The following ZNF592 variants were observed in gnomAD, a reference collection of about 807,000 sequenced individuals.
ZNF592 encodes the protein spinocerebellar ataxia, autosomal recessive 5.
In ZNF592, 11 loss-of-function variants were observed where a neutral mutation model predicts 80.3. That is an observed-to-expected ratio of 0.14 (90% CI 0.09 to 0.23). The LOEUF (loss-of-function observed/expected upper bound fraction) is 0.23, where lower values mean the gene tolerates loss of function less well. ZNF592 is among the 10% of genes least tolerant of loss of function. ZNF592 has a pLI of 1.00. For synonymous variants in ZNF592, 646 were observed against 640.3 expected (o/e 1.01, Z -0.13); for missense variants, 1,420 against 1,633.9 (o/e 0.87, Z 2.26).
intron 2 of ZNF592, 54 bp downstream of exon 2, chr15:84,764,869 T>C (rs1360762985): frequency 2.5e-6 from 1 of 393,932 alleles, no homozygotes; most frequent in African/African-American, 2.1e-5. Flanking sequence ...AGTTTGAACA[T>C]GAGATTTTTT....
intron 1 of ZNF592, among the ~76,000 whole-genome samples, chr15:84,754,803 T>C (rs1036996395): frequency 1.3e-4 from 20 of 151,958 alleles, no homozygotes; most frequent in Non-Finnish European, 2.5e-4. Flanking sequence ...GTGTGATAGA[T>C]TGTAGAACGA....
At chr15:84,751,206 GAC>G (rs1013969833) in intron 1 of ZNF592, among the ~76,000 whole-genome samples, 1 of 152,244 alleles carries the variant, frequency 6.6e-6, no homozygotes, top group African/African-American at 2.4e-5. Flanking sequence ...CAATTTTAAA[GAC>G]TTCTGCATAC....
intron 4 of ZNF592, among the ~76,000 whole-genome samples, chr15:84,786,374 G>A (rs1177312427): frequency 6.6e-6 from 1 of 152,206 alleles, no homozygotes; most frequent in South Asian, 2.1e-4. Context: ...TGAAATTTAA[G>A]TTGGGCTTGC....
At chr15:84,764,908 TTG>T (rs1491480873) in intron 2 of ZNF592, 93 bp downstream of exon 2, 375 of 319,006 alleles carry the variant, frequency 1.2e-3, no homozygotes, top group African/African-American at 5.4e-3. Flanking sequence ...TTGTTTTGTT[TTG>T]TTTTTTTTTG....
rs750056642 is a variant in ZNF592, at chr15:84,798,879, A to T, written c.3024+4A>T. ...CATGAAAAAGAGCCACGGTCGGGTA[A>T]GTGCAGCCACACAGTCATAATGCAG... is the stretch of plus-strand genomic sequence containing the variant. On this transcript the variant is annotated splice_donor_region_variant and intron_variant, in intron 8 of 10. Coordinates refer to ENST00000560079, the MANE Select transcript of ZNF592 (RefSeq NM_014630.3). This position sits in a 1 kb window ranked among gnomAD's most constrained non-coding sequence, Gnocchi z 4.5. The T allele has an allele frequency of 6.3e-7, 1 of 1,598,076 alleles. No homozygotes were observed. Among genetic ancestry groups the T allele is most frequent in the South Asian group, 1.1e-5 (1 of 90,906 alleles).
intron 2 of ZNF592, among the ~76,000 whole-genome samples, chr15:84,769,436 C>T (rs1185026386): frequency 6.6e-6 from 1 of 151,580 alleles, no homozygotes; most frequent in Non-Finnish European, 1.5e-5. Context: ...TCATGGAAGG[C>T]TCCTGACAAA....
Position 84,790,782 on chromosome 15 carries a change from C to G in ZNF592, c.2298C>G (p.Ser766=). The change falls in exon 5 of 11, where the codon TCC becomes TCG. Residue 766 remains serine, a synonymous_variant. Transcript: ENST00000560079. ...CAHQRIHAHK[S]PYCCPECGVL... ...ACCAGCGGATTCATGCACACAAGTCCCCCTACTGCTGCCCGGAGTGTGGGG... is the reference window on the plus strand; with the variant it reads ...ACCAGCGGATTCATGCACACAAGTCGCCCTACTGCTGCCCGGAGTGTGGGG... 1.2e-6 allele frequency: 2 copies of G among 1,614,182 alleles called. No homozygotes were observed. The highest frequency in any genetic ancestry group is 2.2e-5 in the South Asian group (2 of 91,084).
chr15:84,777,265 T>G lies in ZNF592; in HGVS notation c.-149-918T>G, dbSNP rs575793804. 1.9e-3 allele frequency among the ~76,000 whole-genome samples: 287 copies of G among 151,818 alleles called. 1 individual carries two copies. The highest frequency in any genetic ancestry group is 3.4e-3 in the Middle Eastern group (1 of 294). Reference sequence around the variant, plus strand: ...GCTGAGGTGGGTGGATCAGTTGAGGTCAGGAGTTTGAGACCTGCCTGGCCA... The same window carrying G: ...GCTGAGGTGGGTGGATCAGTTGAGGGCAGGAGTTTGAGACCTGCCTGGCCA... On this transcript the variant is annotated intron_variant, in intron 2 of 10. Transcript: ENST00000560079.
intron 2 of ZNF592, among the ~76,000 whole-genome samples, chr15:84,769,097 T>G: frequency 6.6e-6 from 1 of 152,076 alleles, no homozygotes; most frequent in East Asian, 1.9e-4. Context: ...TCCACCACCA[T>G]GCCTGGCTAA....
chr15:84,775,316 G>A (rs961586020), intron 2 of ZNF592, among the ~76,000 whole-genome samples: 3 of 152,130 alleles, frequency 2.0e-5, no homozygotes, highest in South Asian at 2.1e-4. Context: ...GGCTAGTGTC[G>A]AACTCCTGAC....
In ZNF592 at chr15:84,798,039, C is replaced by A; in HGVS notation, c.2570C>A (p.Pro857His). The change falls in exon 6 of 11, where the codon CCC (proline) becomes CAC (histidine). Residue 857 changes from proline (P) to histidine (H), a missense_variant. By Grantham distance (77) the Pro-to-His change is moderately conservative. Around this residue, in one of 7 missense-constraint regions of ZNF592, gnomAD observed 331 missense variants for 347.0 expected, o/e 0.95. Coordinates refer to ENST00000560079, the MANE Select transcript of ZNF592 (RefSeq NM_014630.3). This position sits in a 1 kb window ranked among gnomAD's most constrained non-coding sequence, Gnocchi z 4.5. ...ATQHPTQPHR[P>H]SQLIYKCSCE... ...CAGCACCCCACCCAGCCCCACAGAC[C>A]CTCCCAGTGAGTGCAGCTCCAGGGC... 1 of 1,613,876 alleles carries A rather than the reference C, an allele frequency of 6.2e-7. No homozygotes were observed. Among genetic ancestry groups the A allele is most frequent in the Non-Finnish European group, 8.5e-7 (1 of 1,180,022 alleles).
intron 4 of ZNF592, among the ~76,000 whole-genome samples, chr15:84,789,384 T>C (rs1215306852): frequency 6.6e-6 from 1 of 152,232 alleles, no homozygotes; most frequent in East Asian, 1.9e-4. Flanking sequence ...ATAATGTTGC[T>C]ATGAACATAA....
chr15:84,766,206 T>C (rs1899514176), intron 2 of ZNF592, among the ~76,000 whole-genome samples: 1 of 152,068 alleles, frequency 6.6e-6, no homozygotes, highest in Non-Finnish European at 1.5e-5. Context: ...CATTTATGTG[T>C]CCCCTCCTTG....
At chr15:84,764,883 TC>T (rs1339938430) in intron 2 of ZNF592, 68 bp downstream of exon 2, 2 of 381,634 alleles carry the variant, frequency 5.2e-6, no homozygotes, top group Non-Finnish European at 9.0e-6. Flanking sequence ...ATTTTTTTGT[TC>T]CCTGGATTTT....
chr15:84,766,443 A>T (rs577407665), intron 2 of ZNF592, among the ~76,000 whole-genome samples: 1 of 152,252 alleles, frequency 6.6e-6, no homozygotes, highest in East Asian at 1.9e-4. Context: ...ATTGTTGGTG[A>T]AAGGCTGCTT....
In ZNF592 at chr15:84,783,342, C is replaced by A; in HGVS notation, c.667C>A (p.Gln223Lys). The A allele has an allele frequency of 6.2e-7, 1 of 1,614,224 alleles. No individual in the cohort carries two copies. The highest frequency in any genetic ancestry group is 1.7e-5 in the Admixed American group (1 of 60,032). ...CCAGCAGGAACACGAGCAAAGTGGG[C>A]AGAACACAGTGGAACCTCACAAGGA... ...GSQQEHEQSG[Q>K]NTVEPHKDPD... Residue 223 changes from glutamine (Q) to lysine (K), a missense_variant, in exon 4 of 11, where the codon CAG becomes AAG. Transcript: ENST00000560079. The surrounding 1 kb of genome is among the most constrained non-coding windows in gnomAD (Gnocchi z 5.0).
At chr15:84,801,688 A>G (rs913257825) in intron 10 of ZNF592, among the ~76,000 whole-genome samples, 175 bp from the exon 11 acceptor site, 1 of 152,190 alleles carries the variant, frequency 6.6e-6, no homozygotes, top group African/African-American at 2.4e-5. Context: ...TGACACATGC[A>G]TATGTTACAT....
intron 2 of ZNF592, among the ~76,000 whole-genome samples, chr15:84,771,760 G>T (rs1962084710): frequency 6.6e-6 from 1 of 152,096 alleles, no homozygotes; most frequent in African/African-American, 2.4e-5. Flanking sequence ...GGCTTGAATA[G>T]CAGGTGCCTC....
rs116385791 is a variant in ZNF592 at position 84,791,423 on chromosome 15, A to G, written c.2399+540A>G. 6.0e-3 allele frequency among the ~76,000 whole-genome samples: 914 copies of G among 152,346 alleles called. 4 individuals carry two copies. The highest frequency in any genetic ancestry group is 0.02 in the African/African-American group (851 of 41,578). On this transcript the variant is annotated intron_variant, in intron 5 of 10. Transcript: ENST00000560079. ...AAAACCAAGAAAACTCTTATTTTCA[A>G]TGGAATTTCCTCCTTTGTGTCAAAC...
Sources: allele counts gnomAD v4.1 joint callset (sites outside exome capture counted in the v4.1 genomes callset), GRCh38; gene constraint gnomAD v4.1.1; regional missense constraint gnomAD v4.1.1; non-coding constraint Gnocchi (gnomAD v3.1); transcripts MANE v1.5; gene names NCBI Gene and HGNC (gene_info 2026-07-23, HGNC 2026-07-21).